The following ERI3 variants were observed in gnomAD, a reference collection of about 807,000 sequenced individuals.
The protein encoded by ERI3 is ERI1 exoribonuclease 3.
Under a neutral mutation model 44.4 loss-of-function variants are expected in ERI3, and 18 were observed. The observed-to-expected ratio is 0.41, with a 90% CI of 0.28 to 0.60. The LOEUF (loss-of-function observed/expected upper bound fraction) is 0.60, where lower values mean the gene tolerates loss of function less well. ERI3 is among the 20% of genes least tolerant of loss of function. The pLI, the probability that ERI3 is intolerant of heterozygous loss-of-function variation, is 0.36. For synonymous variants in ERI3, 183 were observed against 164.8 expected, an observed-to-expected ratio of 1.11 and a Z score of -0.84; for missense variants, 294 against 435.5, an observed-to-expected ratio of 0.68 and a Z score of 2.89.
chr1:44,302,806 G>GGTCA (rs2154326983), intron 6 of ERI3, among the ~76,000 whole-genome samples: 1 of 152,298 alleles, frequency 6.6e-6, no homozygotes, highest in Non-Finnish European at 1.5e-5. Context: ...GAAGGAGGAC[G>GGTCA]GTCAGACAGG....
chr1:44,310,963 G>GCACGCGCGCGCGCGCACA (rs1645954789), intron 5 of ERI3, among the ~76,000 whole-genome samples: 1 of 123,202 alleles, frequency 8.1e-6, no homozygotes, highest in African/African-American at 3.2e-5. Context: ...GCGCGCGCGC[G>GCACGCGCGCGCGCGCACA]CACACACACA....
At chr1:44,268,576 G>A (rs1293555540) in intron 7 of ERI3, among the ~76,000 whole-genome samples, 1 of 152,190 alleles carries the variant, frequency 6.6e-6, no homozygotes, top group Non-Finnish European at 1.5e-5. Flanking sequence ...TCAGCCCTGA[G>A]GAGTCAGCCA....
intron 8 of ERI3, among the ~76,000 whole-genome samples, chr1:44,233,781 C>A (rs987750062): frequency 6.6e-6 from 1 of 152,170 alleles, no homozygotes; most frequent in Non-Finnish European, 1.5e-5. Context: ...CTCCCTTTAA[C>A]TCCCTTTTCC....
At position 44,355,139 on chromosome 1, in the gene ERI3, CGCGCCGACTGCG is replaced by C. The variant is rs1486838556; in HGVS notation, c.-125_-114del. 3.3e-6 allele frequency: 4 copies of C among 1,227,268 alleles called. No homozygotes were observed. Among genetic ancestry groups the C allele is most frequent in the South Asian group, 4.2e-5 (1 of 23,788 alleles). 76.0% of individuals were successfully genotyped at this position (1,227,268 alleles called of 1,614,324 possible). A position where few individuals can be genotyped will look rare whatever the true frequency, so the allele number is the denominator to read the frequency against. ...GCAGTTGGCGGCGGCGGGCGCGGCC[CGCGCCGACTGCG>C]GCGCCGGCCAGGCAGAGGCAGGGCC... is the stretch of plus-strand genomic sequence containing the variant. On this transcript the variant is annotated 5_prime_UTR_variant, in exon 1 of 9. Transcript: ENST00000372257.
At chr1:44,254,088 C>T (rs991109713) in intron 7 of ERI3, among the ~76,000 whole-genome samples, 1 of 152,230 alleles carries the variant, frequency 6.6e-6, no homozygotes, top group African/African-American at 2.4e-5. Flanking sequence ...TTTCCTGCTG[C>T]TTCTAGACTA....
chr1:44,310,052 G>A (rs958211299), intron 5 of ERI3, among the ~76,000 whole-genome samples: 12 of 152,096 alleles, frequency 7.9e-5, no homozygotes, highest in Non-Finnish European at 1.5e-4. Flanking sequence ...ATCTTACACA[G>A]AGTTGTTCTG....
chr1:44,354,493 GT>G, intron 1 of ERI3: 1 of 985,368 alleles, frequency 1.0e-6, no homozygotes, highest in Non-Finnish European at 1.2e-6. Context: ...AGCTAGCCAG[GT>G]TAGGCCCTTA....
chr1:44,224,671 G>C (rs1387250556), intron 8 of ERI3, among the ~76,000 whole-genome samples: 1 of 152,224 alleles, frequency 6.6e-6, no homozygotes, highest in Non-Finnish European at 1.5e-5. Flanking sequence ...CTAGTGGTGA[G>C]AAAGTGTATA....
intron 4 of ERI3, among the ~76,000 whole-genome samples, chr1:44,314,851 C>T (rs1646052749): frequency 6.6e-6 from 1 of 152,254 alleles, no homozygotes. Flanking sequence ...TACATGTTCT[C>T]AGCAGCCCCC....
chr1:44,354,090 G>A, intron 1 of ERI3: 1 of 985,424 alleles, frequency 1.0e-6, no homozygotes, highest in Non-Finnish European at 1.2e-6. Flanking sequence ...AGCAGAATTT[G>A]ATGAAGCCAA....
At chr1:44,288,008 G>A (rs1298088674) in intron 6 of ERI3, among the ~76,000 whole-genome samples, 6 of 152,174 alleles carry the variant, frequency 3.9e-5, no homozygotes, top group African/African-American at 1.4e-4. Flanking sequence ...CTGGGAGAGG[G>A]ATGGGCTCTC....
intron 2 of ERI3, among the ~76,000 whole-genome samples, chr1:44,348,219 G>A (rs1333445446): frequency 1.3e-5 from 2 of 152,054 alleles, no homozygotes; most frequent in African/African-American, 2.4e-5. Context: ...TAAAAAGAGC[G>A]AAAAAGAGTG....
At chr1:44,231,444 G>A (rs1395493916) in intron 8 of ERI3, among the ~76,000 whole-genome samples, 2 of 152,118 alleles carry the variant, frequency 1.3e-5, no homozygotes, top group Non-Finnish European at 2.9e-5. Context: ...TTTGCTCATA[G>A]CTCACCACAG....
intron 7 of ERI3, among the ~76,000 whole-genome samples, chr1:44,256,276 C>T (rs1350278810): frequency 2.0e-5 from 3 of 152,166 alleles, no homozygotes; most frequent in African/African-American, 7.2e-5. Context: ...CAGCAACAGC[C>T]CACCCCACAG....
At chr1:44,267,967 C>A (rs6663917) in intron 7 of ERI3, among the ~76,000 whole-genome samples, 1 of 152,200 alleles carries the variant, frequency 6.6e-6, no homozygotes, top group Non-Finnish European at 1.5e-5. Context: ...ACTAGCTCAT[C>A]GGGGTAGCTC....
intron 8 of ERI3, among the ~76,000 whole-genome samples, chr1:44,232,922 A>T (rs1406731000): frequency 6.6e-6 from 1 of 152,182 alleles, no homozygotes; most frequent in Non-Finnish European, 1.5e-5. Flanking sequence ...TGTCCTAGCA[A>T]CGTAACTGAC....
rs911253166 is a variant in ERI3 at position 44,228,943 on chromosome 1, C to T, written c.932-7303G>A. Reference sequence around the variant, plus strand: ...GGACATGTCAACGTCATTCAAACCCCAATACAGAATGAGGACAGAAACCAC... The same window carrying T: ...GGACATGTCAACGTCATTCAAACCCTAATACAGAATGAGGACAGAAACCAC... On this transcript the variant is annotated intron_variant, in intron 8 of 8. Coordinates refer to ENST00000372257, the MANE Select transcript of ERI3 (RefSeq NM_024066.3). The surrounding 1 kb of genome is among the most constrained non-coding windows in gnomAD (Gnocchi z 4.3). Among the ~76,000 whole-genome samples, 13 of 152,188 alleles carry T rather than the reference C, an allele frequency of 8.5e-5. No individual in the cohort carries two copies. Among genetic ancestry groups the T allele is most frequent in the African/African-American group, 3.1e-4 (13 of 41,440 alleles).
In ERI3 at chr1:44,355,111, A is replaced by T; in HGVS notation, c.-85T>A. ...TCTCCCTCGGCCTCAGCAAGCGCTC[A>T]GGGCAGTTGGCGGCGGCGGGCGCGG... On this transcript the variant is annotated 5_prime_UTR_variant, in exon 1 of 9. Transcript: ENST00000372257. 8.0e-7 allele frequency: 1 copy of T among 1,243,592 alleles called. No individual in the cohort carries two copies. The highest frequency in any genetic ancestry group is 1.0e-6 in the Non-Finnish European group (1 of 987,608). The allele number at this position is 1,243,592 out of a possible 1,614,324, so 77.0% of individuals were successfully genotyped here. A position where few individuals can be genotyped will look rare whatever the true frequency, so the allele number is the denominator to read the frequency against.
chr1:44,281,276 C>A (rs916355932), intron 7 of ERI3, among the ~76,000 whole-genome samples: 4 of 152,094 alleles, frequency 2.6e-5, no homozygotes, highest in African/African-American at 4.8e-5. Context: ...GTACCTGGCA[C>A]ACAGAAGGCA....
Sources: allele counts gnomAD v4.1 joint callset (sites outside exome capture counted in the v4.1 genomes callset), GRCh38; gene constraint gnomAD v4.1.1; non-coding constraint Gnocchi (gnomAD v3.1); transcripts MANE v1.5; gene names NCBI Gene and HGNC (gene_info 2026-07-23, HGNC 2026-07-21).